The following ITPR1 variants were observed in gnomAD, a reference collection of about 807,000 sequenced individuals.
ITPR1 encodes the protein inositol 1,4,5-trisphosphate-gated calcium channel ITPR1.
Under a neutral mutation model 318.4 loss-of-function variants are expected in ITPR1, and 96 were observed. The ratio of observed to expected loss-of-function variants is 0.30; its 90% CI spans 0.26 to 0.36. The LOEUF (loss-of-function observed/expected upper bound fraction) is 0.36, where lower values mean the gene tolerates loss of function less well. Among genes scored for constraint, ITPR1 ranks in the 10% least tolerant of loss-of-function variants. The pLI, the probability that ITPR1 is intolerant of heterozygous loss-of-function variation, is 1.00. For synonymous variants in ITPR1, 1,312 were observed against 1,289.9 expected, an observed-to-expected ratio of 1.02 and a Z score of -0.37; for missense variants, 2,440 against 3,460.2, an observed-to-expected ratio of 0.71 and a Z score of 7.40.
chr3:4,606,831 TTTTA>T (rs1278410640), intron 4 of ITPR1, among the ~76,000 whole-genome samples: 4 of 152,122 alleles, frequency 2.6e-5, no homozygotes, highest in African/African-American at 9.7e-5. Context: ...GGGTCCGAGT[TTTTA>T]TTTTCTTTCA....
At position 4,596,954 on chromosome 3, in the gene ITPR1, G is replaced by A. The variant is rs557458865; in HGVS notation, c.164-30809G>A. 9.2e-5 allele frequency among the ~76,000 whole-genome samples: 14 copies of A among 152,332 alleles called. No homozygotes were observed. The South Asian group carries it at 2.5e-3, about 27-fold the overall frequency. ...TGTGTTGATATGTTACCAGGGGTTT[G>A]CCGCTTACTGTATGTTCAGCAAAAG... is the stretch of plus-strand genomic sequence containing the variant. On this transcript the variant is annotated intron_variant, in intron 4 of 61. Transcript: ENST00000649015.
chr3:4,584,248 C>T (rs2089650231), intron 4 of ITPR1, among the ~76,000 whole-genome samples: 1 of 152,134 alleles, frequency 6.6e-6, no homozygotes, highest in African/African-American at 2.4e-5. Flanking sequence ...ACCTCACCCC[C>T]TTCTTGTCCC....
At chr3:4,711,095 C>A (rs997083189) in intron 38 of ITPR1, among the ~76,000 whole-genome samples, 1 of 151,430 alleles carries the variant, frequency 6.6e-6, no homozygotes, top group Non-Finnish European at 1.5e-5. Flanking sequence ...TCCTGTAATC[C>A]CAGCTACTCT....
chr3:4,494,371 T>G (rs2080389606), intron 1 of ITPR1, 60 bp from the exon 2 acceptor site: 1 of 152,300 alleles, frequency 6.6e-6, no homozygotes, highest in Non-Finnish European at 1.5e-5. Context: ...TTGGAGCATT[T>G]CTGTTAGAGC....
chr3:4,844,354 G>A (rs1202585467), intron 61 of ITPR1, among the ~76,000 whole-genome samples: 1 of 152,054 alleles, frequency 6.6e-6, no homozygotes, highest in African/African-American at 2.4e-5. Context: ...GAACTCCTGG[G>A]CTCAAGCAGT....
intron 55 of ITPR1, among the ~76,000 whole-genome samples, chr3:4,808,197 C>G (rs1575329557): frequency 6.6e-6 from 1 of 152,312 alleles, no homozygotes; most frequent in Non-Finnish European, 1.5e-5. Flanking sequence ...ACCCTGCACT[C>G]TTCTCTACAC....
intron 60 of ITPR1, among the ~76,000 whole-genome samples, chr3:4,824,961 A>G (rs894024293): frequency 6.6e-6 from 1 of 152,210 alleles, no homozygotes; most frequent in African/African-American, 2.4e-5. Context: ...AGGGAATGAC[A>G]TGTCCTTTGG....
chr3:4,572,332 G>A (rs1337432483), intron 4 of ITPR1, among the ~76,000 whole-genome samples: 1 of 152,010 alleles, frequency 6.6e-6, no homozygotes, highest in Non-Finnish European at 1.5e-5. Context: ...CTCAGTAAAT[G>A]GCAATTTCAG....
chr3:4,626,252 G>A (rs1405006725), intron 4 of ITPR1, among the ~76,000 whole-genome samples: 1 of 152,024 alleles, frequency 6.6e-6, no homozygotes. Context: ...GTAACACATT[G>A]TAGGCAATAT....
chr3:4,504,830 G>A (rs1027446719), intron 2 of ITPR1, among the ~76,000 whole-genome samples: 1 of 152,212 alleles, frequency 6.6e-6, no homozygotes, highest in Non-Finnish European at 1.5e-5. Flanking sequence ...CGTATTTACA[G>A]CCATATTACC....
At chr3:4,645,984 C>G (rs1033541603) in intron 10 of ITPR1, 2 of 411,552 alleles carry the variant, frequency 4.9e-6, no homozygotes, top group Non-Finnish European at 8.8e-6. Context: ...CATGGCATAT[C>G]ATGGTGCTGC....
intron 61 of ITPR1, among the ~76,000 whole-genome samples, chr3:4,842,838 A>G (rs888067434): frequency 1.3e-5 from 2 of 152,180 alleles, no homozygotes; most frequent in Admixed American, 1.3e-4. Flanking sequence ...TTTGGTCATT[A>G]TATTTGTTTT....
At chr3:4,648,097 A>C (rs1035049230) in intron 10 of ITPR1, among the ~76,000 whole-genome samples, 6 of 152,142 alleles carry the variant, frequency 3.9e-5, no homozygotes, top group African/African-American at 1.2e-4. Flanking sequence ...GGTTGTGGTA[A>C]GCCGAGAGTG....
chr3:4,537,855 T>C (rs957701434), intron 4 of ITPR1, among the ~76,000 whole-genome samples: 2 of 152,242 alleles, frequency 1.3e-5, no homozygotes, highest in Non-Finnish European at 2.9e-5. Context: ...TTATTTGTTA[T>C]AGCATTGGTA....
At chr3:4,794,528 C>G (rs2047770183) in intron 52 of ITPR1, among the ~76,000 whole-genome samples, 1 of 152,214 alleles carries the variant, frequency 6.6e-6, no homozygotes, top group African/African-American at 2.4e-5. Flanking sequence ...CTTTTAGGCA[C>G]TGGCGTGTTA....
chr3:4,699,356 C>CA (rs370894156), intron 34 of ITPR1, among the ~76,000 whole-genome samples: 6,235 of 120,966 alleles, frequency 0.052, 464 homozygotes, highest in African/African-American at 0.15. Flanking sequence ...GACTCTATCT[C>CA]AAAACAAAAA....
intron 1 of ITPR1, among the ~76,000 whole-genome samples, chr3:4,493,901 T>TC (rs2080339308): frequency 6.6e-6 from 1 of 151,550 alleles, no homozygotes; most frequent in African/African-American, 2.4e-5. Context: ...TTTTTTTTTT[T>TC]TTTTGAAGAG....
chr3:4,575,246 T>G (rs984164926), intron 4 of ITPR1, among the ~76,000 whole-genome samples: 1 of 152,094 alleles, frequency 6.6e-6, no homozygotes. Flanking sequence ...ATAAAAGAGA[T>G]CACACTCATC....
At chr3:4,820,096 C>A (rs1236177406) in intron 60 of ITPR1, among the ~76,000 whole-genome samples, 1 of 152,226 alleles carries the variant, frequency 6.6e-6, no homozygotes, top group Admixed American at 6.5e-5. Flanking sequence ...TGGATTTCCA[C>A]AGGTGAGGTT....
Sources: gnomAD v4.1 joint callset for allele counts (sites outside exome capture counted in the v4.1 genomes callset) on GRCh38, gnomAD v4.1.1 for gene constraint, MANE v1.5 for transcripts, NCBI Gene and HGNC (gene_info 2026-07-23, HGNC 2026-07-21) for gene names.